The following FNDC3B variants were observed in gnomAD, a reference collection of about 807,000 sequenced individuals.
The protein encoded by FNDC3B is fibronectin type III domain-containing protein 3B.
FNDC3B carries 12 observed loss-of-function variants against 151.5 expected under a neutral mutation model. That is an observed-to-expected ratio of 0.08 (90% CI 0.05 to 0.13). The LOEUF (loss-of-function observed/expected upper bound fraction) is 0.13, where lower values mean the gene tolerates loss of function less well. Among genes scored for constraint, FNDC3B ranks in the 10% least tolerant of loss-of-function variants. The pLI, the probability that FNDC3B is intolerant of heterozygous loss-of-function variation, is 1.00. For synonymous variants in FNDC3B, 528 were observed against 549.0 expected (o/e 0.96, Z 0.54); for missense variants, 1,214 against 1,505.3 (o/e 0.81, Z 3.20).
chr3:172,307,665 C>T (rs1283708065), intron 10 of FNDC3B, among the ~76,000 whole-genome samples, 164 bp downstream of exon 10: 1 of 152,148 alleles, frequency 6.6e-6, no homozygotes, highest in African/African-American at 2.4e-5. Flanking sequence ...CTGCACTCCA[C>T]CCTGGGCAAC....
At chr3:172,383,307 A>G (rs1298208476) in intron 25 of FNDC3B, among the ~76,000 whole-genome samples, 1 of 152,220 alleles carries the variant, frequency 6.6e-6, no homozygotes, top group East Asian at 1.9e-4. Context: ...ATTTTTGCAC[A>G]TTGATTTGGT....
chr3:172,182,244 C>A (rs1024395493), intron 3 of FNDC3B, among the ~76,000 whole-genome samples: 1 of 152,130 alleles, frequency 6.6e-6, no homozygotes, highest in Non-Finnish European at 1.5e-5. Context: ...TAGGAGCTGG[C>A]GTGGTCACAG....
At chr3:172,200,064 G>C (rs891622372) in intron 3 of FNDC3B, among the ~76,000 whole-genome samples, 1 of 151,750 alleles carries the variant, frequency 6.6e-6, no homozygotes, top group Non-Finnish European at 1.5e-5. Context: ...TCAGTGTTGC[G>C]GGGGCCAGAG....
intron 1 of FNDC3B, among the ~76,000 whole-genome samples, chr3:172,090,044 T>C (rs1387689856): frequency 6.6e-6 from 1 of 152,252 alleles, no homozygotes. Flanking sequence ...TGTTAGATAC[T>C]GCTTTAAAAT....
chr3:172,352,588 CGAT>C lies in FNDC3B; in HGVS notation c.2515-213_2515-211del, dbSNP rs1393783941. On this transcript the variant is annotated intron_variant, in intron 21 of 25. Coordinates refer to ENST00000415807, the MANE Select transcript of FNDC3B (RefSeq NM_022763.4). This position sits in a 1 kb window ranked among gnomAD's most constrained non-coding sequence, Gnocchi z 4.2. Reference sequence around the variant, plus strand: ...TTTTTAAATTATTTGTCATAAGAAACGATGGTGGCCATATTTTGCTTTAATAAT... The same window carrying C: ...TTTTTAAATTATTTGTCATAAGAAACGGTGGCCATATTTTGCTTTAATAAT... Among the ~76,000 whole-genome samples, 1 of 152,018 alleles carries C rather than the reference CGAT, an allele frequency of 6.6e-6. No individual in the cohort carries two copies. The highest frequency in any genetic ancestry group is 1.9e-4 in the East Asian group (1 of 5,196).
At chr3:172,102,829 A>G (rs1249926328) in intron 1 of FNDC3B, among the ~76,000 whole-genome samples, 1 of 152,214 alleles carries the variant, frequency 6.6e-6, no homozygotes, top group Non-Finnish European at 1.5e-5. Flanking sequence ...GATGTTTTTC[A>G]CTATCTGACT....
chr3:172,163,979 T>A (rs188749476), intron 3 of FNDC3B, among the ~76,000 whole-genome samples: 29 of 152,370 alleles, frequency 1.9e-4, no homozygotes, highest in African/African-American at 7.0e-4. Flanking sequence ...GGTTTAAATT[T>A]AATCTCGCTT....
At position 172,344,072 on chromosome 3, in the gene FNDC3B, T is replaced by G; in HGVS notation, c.2078-14T>G. The G allele has an allele frequency of 6.3e-7, 1 of 1,599,808 alleles. No homozygotes were observed. The highest frequency in any genetic ancestry group is 1.1e-5 in the South Asian group (1 of 89,630). Reference sequence around the variant, plus strand: ...ACAAAGTGTTCTAAGATGAAAAAAATTCTTCATTCCCAGATGTTCCTGCAT... The same window carrying G: ...ACAAAGTGTTCTAAGATGAAAAAAAGTCTTCATTCCCAGATGTTCCTGCAT... On this transcript the variant is annotated splice_polypyrimidine_tract_variant and intron_variant, in intron 18 of 25. Transcript: ENST00000415807.
intron 3 of FNDC3B, among the ~76,000 whole-genome samples, chr3:172,166,828 G>A (rs1723025225): frequency 1.4e-5 from 2 of 140,366 alleles, no homozygotes; most frequent in Admixed American, 1.4e-4. Context: ...AGAATTTGGC[G>A]GGTGGGTGGG....
At chr3:172,092,345 G>A (rs879811145) in intron 1 of FNDC3B, among the ~76,000 whole-genome samples, 2 of 152,122 alleles carry the variant, frequency 1.3e-5, no homozygotes, top group Non-Finnish European at 2.9e-5. Flanking sequence ...CTTGTGTTAG[G>A]TATACATTTT....
At position 172,298,807 on chromosome 3, in the gene FNDC3B, C is replaced by T. The variant is rs536958607; in HGVS notation, c.1061+20C>T. 4.1e-5 allele frequency: 65 copies of T among 1,580,424 alleles called. No individual in the cohort carries two copies. In the South Asian group the frequency reaches 7.0e-4, roughly 17 times the overall value. ...TGTGAGGTGAGTTAGGATATAAGAG[C>T]CAAACTGTATTGGAGAATCCAGGTG... On this transcript the variant is annotated intron_variant, in intron 9 of 25. Coordinates refer to ENST00000415807, the MANE Select transcript of FNDC3B (RefSeq NM_022763.4).
At chr3:172,162,782 A>G (rs1347076576) in intron 3 of FNDC3B, among the ~76,000 whole-genome samples, 1 of 151,834 alleles carries the variant, frequency 6.6e-6, no homozygotes, top group African/African-American at 2.4e-5. Context: ...ATGGTTAGCT[A>G]TGATATGGCT....
intron 7 of FNDC3B, among the ~76,000 whole-genome samples, chr3:172,294,142 C>T (rs556500438): frequency 1.3e-5 from 2 of 152,188 alleles, no homozygotes; most frequent in African/African-American, 4.8e-5. Context: ...TGGGTTTCTC[C>T]AGAAATGGTC....
intron 3 of FNDC3B, among the ~76,000 whole-genome samples, chr3:172,202,138 G>C (rs1725186738): frequency 6.6e-6 from 1 of 152,192 alleles, no homozygotes; most frequent in South Asian, 2.1e-4. Flanking sequence ...AGACTGAGTT[G>C]AGTCGGCCAT....
chr3:172,251,383 C>T lies in FNDC3B; in HGVS notation c.632C>T (p.Ser211Phe). The change falls in exon 6 of 26, where the codon TCT becomes TTT. Residue 211 changes from serine to phenylalanine, a missense_variant. This residue lies in a region of FNDC3B where 166 missense variants were observed against 173.2 expected (regional missense o/e 0.96). Coordinates refer to ENST00000415807, the MANE Select transcript of FNDC3B (RefSeq NM_022763.4). ...CAGAACCGCCTCAACAGCCCTCCTT[C>T]TTCTATCTACAAAAGCAGCTGCACA... ...DRQNRLNSPP[S>F]SIYKSSCTTV... The T allele has an allele frequency of 6.2e-7, 1 of 1,614,088 alleles. No individual in the cohort carries two copies. Among genetic ancestry groups the T allele is most frequent in the Non-Finnish European group, 8.5e-7 (1 of 1,180,004 alleles).
At chr3:172,364,082 A>G (rs1734489336) in intron 23 of FNDC3B, among the ~76,000 whole-genome samples, 1 of 152,204 alleles carries the variant, frequency 6.6e-6, no homozygotes, top group African/African-American at 2.4e-5. Flanking sequence ...AACACAGGGG[A>G]GGTAAAGCTT....
intron 1 of FNDC3B, among the ~76,000 whole-genome samples, chr3:172,061,446 A>C (rs1463213816): frequency 6.6e-6 from 1 of 151,784 alleles, no homozygotes; most frequent in South Asian, 2.1e-4. Flanking sequence ...GTTAGCCAGG[A>C]TGGTCTCGAT....
At chr3:172,128,436 C>G (rs1372358849) in intron 2 of FNDC3B, among the ~76,000 whole-genome samples, 1 of 152,144 alleles carries the variant, frequency 6.6e-6, no homozygotes, top group Non-Finnish European at 1.5e-5. Context: ...ATACTGCTTA[C>G]TTTTCAGTTT....
At chr3:172,075,729 ACACAC>A (rs1443714585) in intron 1 of FNDC3B, among the ~76,000 whole-genome samples, 2 of 19,738 alleles carry the variant, frequency 1.0e-4, no homozygotes, top group African/African-American at 2.9e-4. Flanking sequence ...CAGTAAACAC[ACACAC>A]ACACACACAC....
Sources: allele counts gnomAD v4.1 joint callset (sites outside exome capture counted in the v4.1 genomes callset), GRCh38; gene constraint gnomAD v4.1.1; regional missense constraint gnomAD v4.1.1; non-coding constraint Gnocchi (gnomAD v3.1); transcripts MANE v1.5; gene names NCBI Gene and HGNC (gene_info 2026-07-23, HGNC 2026-07-21).